Variants in ECT2L observed in about 807,000 individuals in gnomAD.
ECT2L encodes epithelial cell-transforming sequence 2 oncogene-like.
Under a neutral mutation model 122.8 loss-of-function variants are expected in ECT2L, and 126 were observed. That is an observed-to-expected ratio of 1.03 (90% confidence interval 0.89 to 1.19). The LOEUF (loss-of-function observed/expected upper bound fraction) is 1.19. Among genes scored for constraint, ECT2L ranks in the 50% most tolerant of loss-of-function variants. ECT2L has a pLI of 0.00. For missense variants in ECT2L, 1,012 were observed against 1,064.1 expected (o/e 0.95, Z 0.68); for synonymous variants, 385 against 381.8 (o/e 1.01, Z -0.10).
Position 138,844,532 on chromosome 6 carries a change from C to T in ECT2L, c.716C>T (p.Ala239Val). ...AGGGAGCGAGTGGGATTACATGAAGCTTTGGAGAAACAGCTTGTTTTGACA... is the reference window on the plus strand; with the variant it reads ...AGGGAGCGAGTGGGATTACATGAAGTTTTGGAGAAACAGCTTGTTTTGACA... The part of the protein sequence containing the change: ...TVRERVGLHE[A>V]LEKQLVLTSL... The change falls in exon 7 of 22, where the codon GCT becomes GTT. Residue 239 changes from alanine (A) to valine (V), a missense_variant. Physicochemically the swap from Ala to Val is moderately conservative, Grantham distance 64. Transcript: ENST00000541398. 1 of 1,614,126 alleles carries T rather than the reference C, an allele frequency of 6.2e-7. No homozygotes were observed. Among genetic ancestry groups the T allele is most frequent in the Non-Finnish European group, 8.5e-7 (1 of 1,180,018 alleles).
chr6:138,816,075 G>T (rs1197030683), intron 4 of ECT2L, among the ~76,000 whole-genome samples: 1 of 152,170 alleles, frequency 6.6e-6, no homozygotes, highest in Non-Finnish European at 1.5e-5. Flanking sequence ...AAAAATCAGG[G>T]GGAAGACATT....
At chr6:138,817,547 A>G (rs1776111613) in intron 4 of ECT2L, among the ~76,000 whole-genome samples, 1 of 152,156 alleles carries the variant, frequency 6.6e-6, no homozygotes, top group Non-Finnish European at 1.5e-5. Flanking sequence ...ATTTTGTTTT[A>G]ATTCAGTCAG....
chr6:138,801,894 T>C (rs1388320392), intron 1 of ECT2L, among the ~76,000 whole-genome samples: 2 of 152,160 alleles, frequency 1.3e-5, no homozygotes, highest in Non-Finnish European at 2.9e-5. Context: ...ATAAATGAGA[T>C]TGTCTGTATC....
intron 10 of ECT2L, among the ~76,000 whole-genome samples, chr6:138,856,024 G>A (rs372821291): frequency 6.6e-6 from 1 of 152,190 alleles, no homozygotes; most frequent in Non-Finnish European, 1.5e-5. Context: ...CTCATCAAAT[G>A]TAATATCCAC....
chr6:138,878,306 T>TATATAC lies in ECT2L; in HGVS notation c.1665+1749_1665+1750insTATACA, dbSNP rs139026623. 1.0e-4 allele frequency among the ~76,000 whole-genome samples: 15 copies of TATATAC among 150,332 alleles called. No individual in the cohort carries two copies. In the East Asian group the frequency reaches 1.8e-3, roughly 18 times the overall value. On this transcript the variant is annotated intron_variant, in intron 14 of 21. Coordinates refer to ENST00000541398, the MANE Select transcript of ECT2L (RefSeq NM_001077706.3). Reference sequence around the variant, plus strand: ...GCAAGGATTTAGATACATATATATATACACACACACACACACACACACACA... The same window carrying TATATAC: ...GCAAGGATTTAGATACATATATATATATATACACACACACACACACACACACACACA...
At chr6:138,814,692 C>A in intron 4 of ECT2L, 89 bp downstream of exon 4, 1 of 763,920 alleles carries the variant, frequency 1.3e-6, no homozygotes, top group Non-Finnish European at 2.0e-6. Context: ...ATTTTTTGTT[C>A]CTAGGGAGAA....
intron 20 of ECT2L, among the ~76,000 whole-genome samples, chr6:138,894,241 G>A (rs1188841): frequency 0.35 from 53,000 of 151,728 alleles, 11,149 homozygotes; most frequent in Admixed American, 0.5. Context: ...ATTTTTAGTA[G>A]AGATGGGGTT....
At chr6:138,828,944 T>C (rs1256322370) in intron 4 of ECT2L, among the ~76,000 whole-genome samples, 1 of 152,148 alleles carries the variant, frequency 6.6e-6, no homozygotes, top group Non-Finnish European at 1.5e-5. Flanking sequence ...TCTTTTGACA[T>C]GTTAATTTCT....
intron 16 of ECT2L, among the ~76,000 whole-genome samples, chr6:138,883,118 C>T (rs1162928909): frequency 6.6e-6 from 1 of 152,200 alleles, no homozygotes; most frequent in Non-Finnish European, 1.5e-5. Flanking sequence ...CAGGCTTTCA[C>T]CTGCCCCAGA....
At position 138,866,607 on chromosome 6, in the gene ECT2L, G is replaced by A. The variant is rs983717701; in HGVS notation, c.1474+1429G>A. On this transcript the variant is annotated intron_variant, in intron 12 of 21. Transcript: ENST00000541398. ...TCACCATGTTGGCCAGGTTGGTCTC[G>A]AACTCCTGACCTCAAGTGATAAGAG... 5.3e-5 allele frequency among the ~76,000 whole-genome samples: 8 copies of A among 151,664 alleles called. No individual in the cohort carries two copies. The East Asian group carries it at 5.8e-4, about 11-fold the overall frequency.
intron 14 of ECT2L, 39 bp downstream of exon 14, chr6:138,876,597 C>A: frequency 7.3e-7 from 1 of 1,361,120 alleles, no homozygotes. Context: ...ATTGGTTTTG[C>A]TCCTGATAGT....
At chr6:138,804,891 T>C (rs1187522414) in intron 1 of ECT2L, among the ~76,000 whole-genome samples, 1 of 152,202 alleles carries the variant, frequency 6.6e-6, no homozygotes, top group Non-Finnish European at 1.5e-5. Context: ...ACGCAGATCA[T>C]GAGTGTAACG....
chr6:138,836,918 T>C (rs1776861793), intron 4 of ECT2L, among the ~76,000 whole-genome samples: 1 of 152,150 alleles, frequency 6.6e-6, no homozygotes, highest in Non-Finnish European at 1.5e-5. Context: ...TGTCAAAATG[T>C]TCCAGACCCA....
intron 20 of ECT2L, among the ~76,000 whole-genome samples, chr6:138,896,103 T>C (rs1779201664): frequency 6.6e-6 from 1 of 151,802 alleles, no homozygotes; most frequent in Non-Finnish European, 1.5e-5. Flanking sequence ...TTTTTTTTTT[T>C]TTTTCCTTAA....
At chr6:138,876,580 C>T in intron 14 of ECT2L, 22 bp downstream of exon 14, 1 of 1,502,218 alleles carries the variant, frequency 6.7e-7, no homozygotes, top group South Asian at 1.2e-5. Flanking sequence ...TATAATGTAA[C>T]TTTACCATTG....
chr6:138,808,851 C>T lies in ECT2L; in HGVS notation c.-243-3987C>T, dbSNP rs558688545. Among the ~76,000 whole-genome samples the T allele has an allele frequency of 9.9e-5, 15 of 150,892 alleles. No homozygotes were observed. The South Asian group carries it at 2.7e-3, about 28-fold the overall frequency. Reference sequence around the variant, plus strand: ...AAGCAATTCTCTTGCCTCAGCTTCCCGACTAGCTGGGACTACAGGCATGCA... The same window carrying T: ...AAGCAATTCTCTTGCCTCAGCTTCCTGACTAGCTGGGACTACAGGCATGCA... On this transcript the variant is annotated intron_variant, in intron 1 of 21. Transcript: ENST00000541398.
chr6:138,846,479 C>T (rs543593293), intron 7 of ECT2L, 60 bp from the exon 8 acceptor site: 2 of 1,509,568 alleles, frequency 1.3e-6, no homozygotes, highest in South Asian at 2.7e-5. Flanking sequence ...ATGCTGTGTA[C>T]TTACCAAAAC....
In ECT2L at chr6:138,867,091, AAAAAAAC is replaced by A. The variant is rs538197877; in HGVS notation, c.1475-1005_1475-999del. Reference sequence around the variant, plus strand: ...CCTGTCTCAAAAAAAACAAAAAAACAAAAAAACAAAAAAACAAATGCCTACTTGAGCG... The same window carrying A: ...CCTGTCTCAAAAAAAACAAAAAAACAAAAAAAACAAATGCCTACTTGAGCG... On this transcript the variant is annotated intron_variant, in intron 12 of 21. Transcript: ENST00000541398. Among the ~76,000 whole-genome samples the A allele has an allele frequency of 5.9e-3, 893 of 151,928 alleles. 9 individuals are homozygous for A. The highest frequency in any genetic ancestry group is 0.021 in the African/African-American group (848 of 41,282).
intron 1 of ECT2L, among the ~76,000 whole-genome samples, chr6:138,809,868 T>C (rs1775833726): frequency 6.6e-6 from 1 of 152,190 alleles, no homozygotes; most frequent in Non-Finnish European, 1.5e-5. Context: ...GTAGGATGTT[T>C]CCATAACAAC....
Sources: gnomAD v4.1 joint callset for allele counts (sites outside exome capture counted in the v4.1 genomes callset) on GRCh38, gnomAD v4.1.1 for gene constraint, MANE v1.5 for transcripts, NCBI Gene and HGNC (gene_info 2026-07-23, HGNC 2026-07-21) for gene names.